The following OLFML3 variants were observed in gnomAD, a reference collection of about 807,000 sequenced individuals.
OLFML3 encodes the protein olfactomedin like 3.
OLFML3 carries 26 observed loss-of-function variants against 36.0 expected under a neutral mutation model. The ratio of observed to expected loss-of-function variants is 0.72; its 90% CI spans 0.53 to 1.00. The LOEUF is 1.00. OLFML3 is among the 50% of genes least tolerant of loss of function. The pLI, the probability that OLFML3 is intolerant of heterozygous loss-of-function variation, is 0.00. For synonymous variants in OLFML3, 184 were observed against 201.2 expected (o/e 0.91, Z 0.72); for missense variants, 503 against 519.4 (o/e 0.97, Z 0.31).
chr1:113,981,531 G>C lies in OLFML3; in HGVS notation c.983G>C (p.Cys328Ser). The C allele has an allele frequency of 6.2e-7, 1 of 1,614,166 alleles. No individual in the cohort carries two copies. Among genetic ancestry groups the C allele is most frequent in the Non-Finnish European group, 8.5e-7 (1 of 1,180,024 alleles). Residue 328 changes from cysteine to serine, a missense_variant, in exon 3 of 3, where the codon TGT becomes TCT. Cys to Ser is a moderately radical substitution (Grantham distance 112). Coordinates refer to ENST00000320334, the MANE Select transcript of OLFML3 (RefSeq NM_020190.5). ...AATGCTGAGGCTGCCTTTGTCATCTGTGGGACCCTCTATGTCGTCTATAAC... is the reference window on the plus strand; with the variant it reads ...AATGCTGAGGCTGCCTTTGTCATCTCTGGGACCCTCTATGTCGTCTATAAC... ...RENAEAAFVI[C>S]GTLYVVYNTR...
At position 113,980,563 on chromosome 1, in the gene OLFML3, G is replaced by A. The variant is rs780039430; in HGVS notation, c.346G>A (p.Gly116Ser). Residue 116 changes from glycine to serine, a missense_variant, in exon 2 of 3, where the codon GGC becomes AGC. Gly to Ser is a moderately conservative substitution (Grantham distance 56). Coordinates refer to ENST00000320334, the MANE Select transcript of OLFML3 (RefSeq NM_020190.5). ...CVEFDEKVTG[G>S]PGTKGKGRRN... ...AGAGTTTGATGAGAAGGTGACTGGA[G>A]GCCCTGGGACCAAAGGCAAGGGAAG... 6.2e-7 allele frequency: 1 copy of A among 1,612,990 alleles called. No homozygotes were observed. The highest frequency in any genetic ancestry group is 2.2e-5 in the East Asian group (1 of 44,854).
Position 113,981,876 on chromosome 1 carries a change from A to G in OLFML3, c.*107A>G, listed in dbSNP as rs546629793. ...TCAAATGTGGGCCAGTTGTGGCTCA[A>G]ATCCTCTATATTTTTAGCCAATGGC... On this transcript the variant is annotated 3_prime_UTR_variant, in exon 3 of 3. Transcript: ENST00000320334. The G allele has an allele frequency of 3.5e-5, 35 of 1,006,048 alleles. No individual in the cohort carries two copies. In the East Asian group the frequency reaches 4.2e-4, roughly 12 times the overall value. 62.3% of individuals were successfully genotyped at this position (1,006,048 alleles called of 1,614,324 possible).
At position 113,980,407 on chromosome 1, in the gene OLFML3, C is replaced by T. The variant is rs1331591227; in HGVS notation, c.190C>T (p.Pro64Ser). The T allele has an allele frequency of 3.7e-6, 6 of 1,609,930 alleles. No individual in the cohort carries two copies. Among genetic ancestry groups the T allele is most frequent in the East Asian group, 2.2e-5 (1 of 44,858 alleles). The change falls in exon 2 of 3, where the codon CCA becomes TCA. Residue 64 changes from proline to serine, a missense_variant. Transcript: ENST00000320334. ...ELRDFKNKML[P>S]LLEVAEKERE... Reference sequence around the variant, plus strand: ...GCGGGACTTCAAGAACAAGATGCTGCCACTGCTGGAGGTGGCAGAGAAGGA... The same window carrying T: ...GCGGGACTTCAAGAACAAGATGCTGTCACTGCTGGAGGTGGCAGAGAAGGA...
rs748246138 is a variant in OLFML3 at position 113,981,654 on chromosome 1, A to G, written c.1106A>G (p.Tyr369Cys). 14 of 1,614,010 alleles carry G rather than the reference A, an allele frequency of 8.7e-6. No individual in the cohort carries two copies. The highest frequency in any genetic ancestry group is 6.7e-5 in the East Asian group (3 of 44,864). The change falls in exon 3 of 3, where the codon TAT becomes TGT. Residue 369 changes from tyrosine (Y) to cysteine (C), a missense_variant. Physicochemically the swap from Tyr to Cys is radical, Grantham distance 194. Transcript: ENST00000320334. Reference protein sequence around the residue: ...RAALPYFPRRYGAHASLRYNP... With the variant: ...RAALPYFPRRCGAHASLRYNP... ...GCACTCCCTTATTTTCCCCGCAGAT[A>G]TGGTGCCCATGCCAGCCTCCGCTAT...
chr1:113,981,938 C>T lies in OLFML3; in HGVS notation c.*169C>T. 1 of 645,670 alleles carries T rather than the reference C, an allele frequency of 1.5e-6. No homozygotes were observed. Among genetic ancestry groups the T allele is most frequent in the Non-Finnish European group, 2.7e-6 (1 of 376,538 alleles). The allele number at this position is 645,670 out of a possible 1,614,324, so 40.0% of individuals were successfully genotyped here. A position where few individuals can be genotyped will look rare whatever the true frequency, so the allele number is the denominator to read the frequency against. Reference sequence around the variant, plus strand: ...TTCAGCTCCTTTGTTTCATACGGAACTCCAGATCCTGAGTAATCCTTTTAG... The same window carrying T: ...TTCAGCTCCTTTGTTTCATACGGAATTCCAGATCCTGAGTAATCCTTTTAG... On this transcript the variant is annotated 3_prime_UTR_variant, in exon 3 of 3. Transcript: ENST00000320334.
At position 113,981,648 on chromosome 1, in the gene OLFML3, G is replaced by T; in HGVS notation, c.1100G>T (p.Arg367Leu). ...CGGGCAGCACTCCCTTATTTTCCCCGCAGATATGGTGCCCATGCCAGCCTC... is the reference window on the plus strand; with the variant it reads ...CGGGCAGCACTCCCTTATTTTCCCCTCAGATATGGTGCCCATGCCAGCCTC... The part of the protein sequence containing the change: ...PERAALPYFP[R>L]RYGAHASLRY... The change falls in exon 3 of 3, where the codon CGC (arginine) becomes CTC (leucine). Residue 367 changes from arginine to leucine, a missense_variant. Physicochemically the swap from Arg to Leu is moderately radical, Grantham distance 102 (BLOSUM62 -2). Transcript: ENST00000320334. The T allele has an allele frequency of 1.2e-6, 2 of 1,613,850 alleles. No homozygotes were observed. Among genetic ancestry groups the T allele is most frequent in the Non-Finnish European group, 1.7e-6 (2 of 1,179,982 alleles).
In OLFML3 at chr1:113,981,256, G is replaced by A. The variant is rs57320081; in HGVS notation, c.708G>A (p.Glu236=). 1 of 1,612,632 alleles carries A rather than the reference G, an allele frequency of 6.2e-7. No homozygotes were observed. Among genetic ancestry groups the A allele is most frequent in the Non-Finnish European group, 8.5e-7 (1 of 1,179,352 alleles). Residue 236 remains glutamate (E), a synonymous_variant, in exon 3 of 3, where the codon GAG becomes GAA. Coordinates refer to ENST00000320334, the MANE Select transcript of OLFML3 (RefSeq NM_020190.5). ...GACCTGGTGGAGGTGGTGAGATGGA[G>A]AACACTTTGCAGCTAATCAAATTCC... The part of the protein sequence containing the change: ...PGRPGGGGEM[E]NTLQLIKFHL...
In OLFML3 at chr1:113,980,114, A is replaced by G. The variant is rs1266770461; in HGVS notation, c.115-218A>G. 5.2e-6 allele frequency: 8 copies of G among 1,550,192 alleles called. No individual in the cohort carries two copies. The South Asian group carries it at 8.3e-5, about 16-fold the overall frequency. On this transcript the variant is annotated intron_variant, in intron 1 of 2. Coordinates refer to ENST00000320334, the MANE Select transcript of OLFML3 (RefSeq NM_020190.5). ...GCTCACAGAGAACACAGGCTGGAGG[A>G]CATGGAGTCGGGGTAGGGGCCTAGG... is the stretch of plus-strand genomic sequence containing the variant.
In OLFML3 at chr1:113,979,641, C is replaced by T. The variant is rs774259453; in HGVS notation, c.114+11C>T. 1.9e-6 allele frequency: 3 copies of T among 1,572,216 alleles called. No homozygotes were observed. In the East Asian group the frequency reaches 6.7e-5, roughly 35 times the overall value. On this transcript the variant is annotated intron_variant, in intron 1 of 2. Coordinates refer to ENST00000320334, the MANE Select transcript of OLFML3 (RefSeq NM_020190.5). ...CTAGCTGCTTTAGAGGTGAGGGACC[C>T]CTTTCTCTTCTAGCCCCGCCTAGAA...
Position 113,980,000 on chromosome 1 carries a change from C to T in OLFML3, c.115-332C>T, listed in dbSNP as rs527801069. The T allele has an allele frequency of 6.2e-5, 92 of 1,476,954 alleles. No individual in the cohort carries two copies. The South Asian group carries it at 1.2e-3, about 19-fold the overall frequency. The allele number at this position is 1,476,954 out of a possible 1,614,324, so 91.5% of individuals were successfully genotyped here. On this transcript the variant is annotated intron_variant, in intron 1 of 2. Transcript: ENST00000320334. ...GTTGAGATCCGTAGCATTTTAGTGT[C>T]CGAGAGGATAATTGCTAAGGGAGCA...
rs1305469356 is a variant in OLFML3, at chr1:113,980,493, G to C, written c.276G>C (p.Arg92=). The change falls in exon 2 of 3, where the codon CGG becomes CGC. Residue 92 remains arginine (R), a synonymous_variant. Coordinates refer to ENST00000320334, the MANE Select transcript of OLFML3 (RefSeq NM_020190.5). ...TISGRVDRLE[R]EVDYLETQNP... Reference sequence around the variant, plus strand: ...CCGGGAGAGTGGATCGTCTGGAGCGGGAGGTAGACTATCTGGAGACCCAGA... The same window carrying C: ...CCGGGAGAGTGGATCGTCTGGAGCGCGAGGTAGACTATCTGGAGACCCAGA... 6.2e-7 allele frequency: 1 copy of C among 1,614,174 alleles called. No individual in the cohort carries two copies. Among genetic ancestry groups the C allele is most frequent in the Non-Finnish European group, 8.5e-7 (1 of 1,180,020 alleles).
rs918169863 is a variant in OLFML3, at chr1:113,981,368, A to G, written c.820A>G (p.Ile274Val). 6 of 1,608,476 alleles carry G rather than the reference A, an allele frequency of 3.7e-6. No individual in the cohort carries two copies. Among genetic ancestry groups the G allele is most frequent in the Non-Finnish European group, 4.2e-6 (5 of 1,177,032 alleles). ...PPYGLTADTY[I>V]DLAADEEGLW... is the part of the protein sequence containing the mutation. ...CTACGGCTTGACAGCAGACACCTAC[A>G]TCGACCTGGCAGCTGATGAGGAAGG... The change falls in exon 3 of 3, where the codon ATC becomes GTC. Residue 274 changes from isoleucine (I) to valine (V), a missense_variant. Ile to Val is a conservative substitution (Grantham distance 29). Transcript: ENST00000320334.
chr1:113,979,924 G>T lies in OLFML3; in HGVS notation c.114+294G>T, dbSNP rs951613236. ...CATCTCCAGAGAAGGTGATGATTCTGTTGAAGTTGGAGGTTCCCGGGGAAT... is the reference window on the plus strand; with the variant it reads ...CATCTCCAGAGAAGGTGATGATTCTTTTGAAGTTGGAGGTTCCCGGGGAAT... On this transcript the variant is annotated intron_variant, in intron 1 of 2. Transcript: ENST00000320334. 2.8e-6 allele frequency: 4 copies of T among 1,426,012 alleles called. No individual in the cohort carries two copies. In the African/African-American group the frequency reaches 5.8e-5, roughly 21 times the overall value. 88.3% of individuals were successfully genotyped at this position (1,426,012 alleles called of 1,614,324 possible). A position where few individuals can be genotyped will look rare whatever the true frequency, so the allele number is the denominator to read the frequency against.
At position 113,981,793 on chromosome 1, in the gene OLFML3, C is replaced by T. The variant is rs1253322831; in HGVS notation, c.*24C>T. 1.3e-6 allele frequency: 2 copies of T among 1,574,738 alleles called. No individual in the cohort carries two copies. The highest frequency in any genetic ancestry group is 1.4e-5 in the African/African-American group (1 of 73,838). On this transcript the variant is annotated 3_prime_UTR_variant, in exon 3 of 3. Coordinates refer to ENST00000320334, the MANE Select transcript of OLFML3 (RefSeq NM_020190.5). ...GAGGAGCTAGCCTTGTTTTTTGCAT[C>T]TTTCTCACTCCCATACATTTATATT...
In OLFML3 at chr1:113,981,776, A is replaced by C; in HGVS notation, c.*7A>C. 6.2e-7 allele frequency: 1 copy of C among 1,608,760 alleles called. No individual in the cohort carries two copies. The highest frequency in any genetic ancestry group is 8.5e-7 in the Non-Finnish European group (1 of 1,177,350). ...GAAAGAGGAGGAGGTTTGAGGAGCT[A>C]GCCTTGTTTTTTGCATCTTTCTCAC... On this transcript the variant is annotated 3_prime_UTR_variant, in exon 3 of 3. Coordinates refer to ENST00000320334, the MANE Select transcript of OLFML3 (RefSeq NM_020190.5).
rs1673430994 is a variant in OLFML3 at position 113,981,939 on chromosome 1, T to C, written c.*170T>C. 3.1e-6 allele frequency: 2 copies of C among 645,716 alleles called. No homozygotes were observed. The highest frequency in any genetic ancestry group is 5.3e-6 in the Non-Finnish European group (2 of 376,634). 40.0% of individuals were successfully genotyped at this position (645,716 alleles called of 1,614,324 possible). The stretch of plus-strand genomic sequence containing the variant: ...TCAGCTCCTTTGTTTCATACGGAAC[T>C]CCAGATCCTGAGTAATCCTTTTAGA... On this transcript the variant is annotated 3_prime_UTR_variant, in exon 3 of 3. Coordinates refer to ENST00000320334, the MANE Select transcript of OLFML3 (RefSeq NM_020190.5).
chr1:113,980,803 A>T, intron 2 of OLFML3, 146 bp from the exon 3 acceptor site: 1 of 992,122 alleles, frequency 1.0e-6, no homozygotes, highest in Admixed American at 3.2e-5. Flanking sequence ...CCGCTGTGGT[A>T]CCCGCTCTTT....
At chr1:113,980,789 C>A in intron 2 of OLFML3, 160 bp from the exon 3 acceptor site, 2 of 1,007,362 alleles carry the variant, frequency 2.0e-6, no homozygotes, top group Non-Finnish European at 2.8e-6. Context: ...TCTGGGGATC[C>A]AGGCCGCTGT....
chr1:113,979,926 T>A, intron 1 of OLFML3: 1 of 1,427,502 alleles, frequency 7.0e-7, no homozygotes, highest in Non-Finnish European at 9.2e-7. Context: ...ATGATTCTGT[T>A]GAAGTTGGAG....
Sources: gnomAD v4.1 joint callset for allele counts on GRCh38, gnomAD v4.1.1 for gene constraint, MANE v1.5 for transcripts, NCBI Gene and HGNC (gene_info 2026-07-23, HGNC 2026-07-21) for gene names.